The following OR8B2 variants were observed in gnomAD, a reference collection of about 807,000 sequenced individuals.
OR8B2 encodes olfactory receptor family 8 subfamily B member 2, also known as olfactory receptor 8B2.
For missense variants in OR8B2, 304 were observed against 379.6 expected (o/e 0.80, Z 1.65); for synonymous variants, 98 against 138.2 (o/e 0.71, Z 2.04).
At chr11:124,389,547 G>T in the OR8B2 span, among the ~76,000 whole-genome samples, 1 of 152,116 alleles carries the variant, frequency 6.6e-6, no homozygotes, top group African/African-American at 2.4e-5. Flanking sequence ...TTCTACCAGG[G>T]TTTTAATCTT....
upstream of OR8B2, among the ~76,000 whole-genome samples, chr11:124,384,898 A>G (rs1860671890): frequency 6.6e-6 from 1 of 152,222 alleles, no homozygotes; most frequent in Non-Finnish European, 1.5e-5. Flanking sequence ...AATTTTTGCT[A>G]ATTATAATTA....
At chr11:124,391,418 A>T in the OR8B2 span, among the ~76,000 whole-genome samples, 6 of 151,708 alleles carry the variant, frequency 4.0e-5, no homozygotes, top group South Asian at 2.1e-4. Flanking sequence ...TGCAATAAAA[A>T]ATGATAAAGG....
the OR8B2 span, among the ~76,000 whole-genome samples, chr11:124,394,682 A>G: frequency 1.3e-5 from 2 of 152,066 alleles, no homozygotes; most frequent in Non-Finnish European, 1.5e-5. Context: ...CTGCCTAAAC[A>G]CCATGGTGGA....
upstream of OR8B2, among the ~76,000 whole-genome samples, chr11:124,386,824 AAT>A (rs1860709089): frequency 6.6e-6 from 1 of 152,084 alleles, no homozygotes; most frequent in Non-Finnish European, 1.5e-5. Context: ...ATCCCTGAGG[AAT>A]GGCCACACTG....
At chr11:124,384,699 A>C (rs1388205852), upstream of OR8B2, among the ~76,000 whole-genome samples, 1 of 152,166 alleles carries the variant, frequency 6.6e-6, no homozygotes, top group East Asian at 1.9e-4. Context: ...ATTACATACC[A>C]ACAGTAAGTC....
At chr11:124,385,374 C>T (rs1173913842), upstream of OR8B2, among the ~76,000 whole-genome samples, 1 of 151,924 alleles carries the variant, frequency 6.6e-6, no homozygotes, top group Non-Finnish European at 1.5e-5. Context: ...GACACTTCAC[C>T]CAGCTTCCTC....
chr11:124,388,429 C>T (rs1860733876), upstream of OR8B2, among the ~76,000 whole-genome samples: 1 of 152,094 alleles, frequency 6.6e-6, no homozygotes, highest in South Asian at 2.1e-4. Context: ...ACATTAGTGA[C>T]TTTGGGCAAA....
At position 124,382,869 on chromosome 11, in the gene OR8B2, G is replaced by A; in HGVS notation, c.475C>T (p.His159Tyr). The A allele has an allele frequency of 1.2e-6, 2 of 1,601,976 alleles. No individual in the cohort carries two copies. Among genetic ancestry groups the A allele is most frequent in the Non-Finnish European group, 1.7e-6 (2 of 1,171,470 alleles). ...GTGAGTCTAAGCATGCACCCGGTGT[G>A]GGCCGTGGCTCCAGCCAATCCCATT... ...YIMGLAGATA[H>Y]TGCMLRLTFC... The change falls in exon 2 of 2, where the codon CAC becomes TAC. Residue 159 changes from histidine (H) to tyrosine (Y), a missense_variant. By Grantham distance (83) the His-to-Tyr change is moderately conservative (BLOSUM62 2). Coordinates refer to ENST00000641451, the MANE Select transcript of OR8B2 (RefSeq NM_001005468.2).
At position 124,382,558 on chromosome 11, in the gene OR8B2, A is replaced by C. The variant is rs1860609893; in HGVS notation, c.786T>G (p.Tyr262Ter). 6.2e-7 allele frequency: 1 copy of C among 1,613,406 alleles called. No homozygotes were observed. The highest frequency in any genetic ancestry group is 1.3e-5 in the African/African-American group (1 of 74,840). Residue 262 changes from tyrosine (Y) to a stop codon, truncating the protein, a stop_gained, in exon 2 of 2, where the codon TAT (tyrosine) becomes TAG (stop). Transcript: ENST00000641451. LOFTEE classifies it low-confidence loss of function (END_TRUNC). ...TTCCCTGCTCCATAGATCCAGAAGAATATTTAATATACATGAATGCCGCTG... is the reference window on the plus strand; with the variant it reads ...TTCCCTGCTCCATAGATCCAGAAGACTATTTAATATACATGAATGCCGCTG... ...FGSAAFMYIK[Y>*]SSGSMEQGKV...
the OR8B2 span, among the ~76,000 whole-genome samples, chr11:124,391,538 G>A: frequency 0.37 from 56,577 of 151,564 alleles, 11,481 homozygotes; most frequent in African/African-American, 0.56. Flanking sequence ...ATTCCTCGAC[G>A]CATACACTCT....
chr11:124,383,249 A>G lies in OR8B2; in HGVS notation c.95T>C (p.Leu32Pro), dbSNP rs546367511. The G allele has an allele frequency of 4.3e-6, 7 of 1,614,000 alleles. No homozygotes were observed. The highest frequency in any genetic ancestry group is 1.7e-5 in the Admixed American group (1 of 60,010). The stretch of plus-strand genomic sequence containing the variant: ...TACCATGGTGACAATGTAGATCACT[A>G]GAAACAGGAAAAAGAGGGGTTGCCG... Reference protein sequence around the residue: ...EFRQPLFFLFLVIYIVTMVGN... With the variant: ...EFRQPLFFLFPVIYIVTMVGN... Residue 32 changes from leucine to proline, a missense_variant, in exon 2 of 2, where the codon CTA becomes CCA. Transcript: ENST00000641451.
chr11:124,394,247 T>TATA, the OR8B2 span, among the ~76,000 whole-genome samples: 7 of 148,358 alleles, frequency 4.7e-5, no homozygotes, highest in Admixed American at 1.3e-4. Flanking sequence ...AAACTTAAAG[T>TATA]ATAATAATAA....
chr11:124,394,903 G>A, the OR8B2 span, among the ~76,000 whole-genome samples: 1 of 152,078 alleles, frequency 6.6e-6, no homozygotes, highest in South Asian at 2.1e-4. Context: ...TTGGTGTTAA[G>A]CAAGATACTC....
chr11:124,391,223 C>A, the OR8B2 span, among the ~76,000 whole-genome samples: 1 of 150,868 alleles, frequency 6.6e-6, no homozygotes, highest in Non-Finnish European at 1.5e-5. Context: ...AAAGCAAGAG[C>A]AAACACATTC....
At chr11:124,387,767 TTAAAG>T (rs1182030930), upstream of OR8B2, among the ~76,000 whole-genome samples, 3 of 147,796 alleles carry the variant, frequency 2.0e-5, no homozygotes, top group African/African-American at 7.6e-5. Context: ...CATGTGAACT[TTAAAG>T]TAGTTTTTTC....
upstream of OR8B2, among the ~76,000 whole-genome samples, chr11:124,388,637 A>C (rs1241973997): frequency 6.6e-6 from 1 of 152,048 alleles, no homozygotes; most frequent in Non-Finnish European, 1.5e-5. Flanking sequence ...AATTATCTTT[A>C]TTTTAGAGAT....
the OR8B2 span, among the ~76,000 whole-genome samples, chr11:124,393,468 T>C: frequency 6.4e-4 from 86 of 134,904 alleles, 3 homozygotes; most frequent in Admixed American, 6.2e-3. Flanking sequence ...GAACAGACAC[T>C]TCTCAAAAGA....
upstream of OR8B2, among the ~76,000 whole-genome samples, chr11:124,389,096 T>C (rs190130553): frequency 6.6e-6 from 1 of 152,222 alleles, no homozygotes; most frequent in African/African-American, 2.4e-5. Flanking sequence ...GGTGCTGGGA[T>C]TATAGGTATA....
At chr11:124,385,615 T>G (rs989921425), upstream of OR8B2, among the ~76,000 whole-genome samples, 2 of 129,240 alleles carry the variant, frequency 1.5e-5, no homozygotes, top group Non-Finnish European at 3.1e-5. Flanking sequence ...TTTCTTTTTT[T>G]TCTTTTTCTC....
Sources: allele counts gnomAD v4.1 joint callset (sites outside exome capture counted in the v4.1 genomes callset), GRCh38; gene constraint gnomAD v4.1.1; transcripts MANE v1.5; gene names NCBI Gene and HGNC (gene_info 2026-07-23, HGNC 2026-07-21).